The following ASAH2 variants were observed in gnomAD, a reference collection of about 807,000 sequenced individuals.
ASAH2 encodes the protein N-acylsphingosine amidohydrolase 2.
A neutral mutation model predicts 82.9 loss-of-function variants in ASAH2; 58 were observed. The ratio of observed to expected loss-of-function variants is 0.70; its 90% confidence interval spans 0.57 to 0.87. The LOEUF is 0.87. Among genes scored for constraint, ASAH2 ranks in the 40% least tolerant of loss-of-function variants. The pLI is 0.00. For missense variants in ASAH2, 779 were observed against 834.0 expected (o/e 0.93, Z 0.81); for synonymous variants, 276 against 289.7 (o/e 0.95, Z 0.48).
intron 1 of ASAH2, among the ~76,000 whole-genome samples, chr10:50,248,860 C>T (rs1321838210): frequency 1.3e-5 from 2 of 152,214 alleles, no homozygotes; most frequent in African/African-American, 2.4e-5. Context: ...TCTTTCTCAA[C>T]ACAACACTCC....
chr10:50,210,883 A>G lies in ASAH2; in HGVS notation c.1354T>C (p.Leu452=), dbSNP rs1335978743. ...THASKTCKPA[L]GYSFAAGTID... Reference sequence around the variant, plus strand: ...GTGCCAGCTGCAAAACTGTAGCCCAATGCTGGTTTACATGTTTTTGACTAA... The same window carrying G: ...GTGCCAGCTGCAAAACTGTAGCCCAGTGCTGGTTTACATGTTTTTGACTAA... Residue 452 remains leucine, a synonymous_variant, in exon 12 of 21, where the codon TTG becomes CTG. Transcript: ENST00000682911. 26 of 1,613,676 alleles carry G rather than the reference A, an allele frequency of 1.6e-5. No individual in the cohort carries two copies. The highest frequency in any genetic ancestry group is 2.2e-5 in the Non-Finnish European group (26 of 1,179,602).
intron 17 of ASAH2, 93 bp downstream of exon 17, chr10:50,198,958 A>G (rs1845064676): frequency 7.0e-7 from 1 of 1,424,106 alleles, no homozygotes; most frequent in African/African-American, 1.4e-5. Context: ...TTCCCTCTGC[A>G]TTTTCTTACC....
intron 8 of ASAH2, among the ~76,000 whole-genome samples, chr10:50,216,785 T>C (rs1391025832): frequency 6.6e-6 from 1 of 152,186 alleles, no homozygotes; most frequent in Non-Finnish European, 1.5e-5. Context: ...GATAACTAAG[T>C]ATTGGAGATA....
rs775769048 is a variant in ASAH2, at chr10:50,243,230, C to T, written c.482G>A (p.Gly161Asp). ...NRTVFVSIDI[G>D]MVSQRLRLEV... ...CAGCCTGAGCCTTTGTGATACCATG[C>T]CTATGTCGATGCTGACAAACACTGT... is the stretch of plus-strand genomic sequence containing the variant. The change falls in exon 4 of 21, where the codon GGC becomes GAC. Residue 161 changes from glycine to aspartate, a missense_variant. By Grantham distance (94) the Gly-to-Asp change is moderately conservative (BLOSUM62 -1). Transcript: ENST00000682911. The T allele has an allele frequency of 1.9e-6, 3 of 1,614,058 alleles. No individual in the cohort carries two copies. Among genetic ancestry groups the T allele is most frequent in the South Asian group, 1.1e-5 (1 of 91,056 alleles).
At chr10:50,240,587 C>T (rs1846269403) in intron 4 of ASAH2, 10 of 702,044 alleles carry the variant, frequency 1.4e-5, no homozygotes, top group Non-Finnish European at 2.6e-5. Context: ...ATCTCAAGGC[C>T]CTCTGCAATT....
In ASAH2 at chr10:50,204,415, G is replaced by A. The variant is rs1008759887; in HGVS notation, c.1625+446C>T. On this transcript the variant is annotated intron_variant, in intron 14 of 20. Coordinates refer to ENST00000682911, the MANE Select transcript of ASAH2 (RefSeq NM_019893.4). ...ATTTAAAGAGGAAGAAACAGAAAAA[G>A]AGGGAATTCAAGGATGACTCCAAGA... Among the ~76,000 whole-genome samples, 192 of 152,022 alleles carry A rather than the reference G, an allele frequency of 1.3e-3. 1 individual carries two copies. Among genetic ancestry groups the A allele is most frequent in the Non-Finnish European group, 2.3e-3 (158 of 67,874 alleles).
chr10:50,234,769 C>G (rs568659634), intron 5 of ASAH2, among the ~76,000 whole-genome samples: 1 of 151,996 alleles, frequency 6.6e-6, no homozygotes, highest in East Asian at 1.9e-4. Context: ...CCGTGTTATA[C>G]GGAAGCACAG....
chr10:50,207,831 A>T (rs1200051743), intron 12 of ASAH2, among the ~76,000 whole-genome samples: 5 of 151,884 alleles, frequency 3.3e-5, no homozygotes, highest in African/African-American at 1.2e-4. Flanking sequence ...TATTATCCTG[A>T]TATAAAACCA....
At chr10:50,248,999 T>C (rs565694654) in intron 1 of ASAH2, among the ~76,000 whole-genome samples, 2 of 152,316 alleles carry the variant, frequency 1.3e-5, no homozygotes, top group African/African-American at 4.8e-5. Flanking sequence ...GATCTGTACA[T>C]GGGTCTGGGC....
At chr10:50,203,585 C>G in intron 15 of ASAH2, 55 bp downstream of exon 15, 1 of 812,996 alleles carries the variant, frequency 1.2e-6, no homozygotes, top group Non-Finnish European at 2.0e-6. Flanking sequence ...ATAGGATATA[C>G]TTTCCTCTTC....
intron 7 of ASAH2, among the ~76,000 whole-genome samples, chr10:50,220,662 T>C (rs925475953): frequency 9.2e-5 from 14 of 152,056 alleles, no homozygotes; most frequent in Admixed American, 8.5e-4. Context: ...GAAAAATAAC[T>C]AATGGGTACT....
chr10:50,223,266 C>T (rs796667689), intron 7 of ASAH2, among the ~76,000 whole-genome samples: 139,100 of 152,214 alleles, frequency 0.91, 64,831 homozygotes, highest in East Asian at 1. Flanking sequence ...GTGATTCAGA[C>T]ATTGCATGTG....
chr10:50,204,198 A>G (rs974333973), intron 14 of ASAH2, among the ~76,000 whole-genome samples: 7 of 151,940 alleles, frequency 4.6e-5, no homozygotes, highest in Admixed American at 3.3e-4. Flanking sequence ...ACATGTTATT[A>G]TTTAATTTAT....
intron 14 of ASAH2, 46 bp from the exon 15 acceptor site, chr10:50,203,725 T>C: frequency 6.4e-7 from 1 of 1,568,316 alleles, no homozygotes; most frequent in Admixed American, 1.7e-5. Flanking sequence ...ACTAGACGTA[T>C]GCAGAGTACA....
intron 10 of ASAH2, 71 bp from the exon 11 acceptor site, chr10:50,211,205 G>A: frequency 8.8e-7 from 1 of 1,140,940 alleles, no homozygotes; most frequent in Non-Finnish European, 1.3e-6. Flanking sequence ...TACTCAGGAA[G>A]TACCAATTTG....
chr10:50,250,109 T>A (rs1375305648), intron 1 of ASAH2, among the ~76,000 whole-genome samples: 3 of 152,234 alleles, frequency 2.0e-5, no homozygotes, highest in African/African-American at 7.2e-5. Flanking sequence ...ATGATGACAC[T>A]GAGCCAGCAT....
chr10:50,214,471 A>G (rs1475417417), intron 9 of ASAH2, among the ~76,000 whole-genome samples: 1 of 152,182 alleles, frequency 6.6e-6, no homozygotes, highest in Non-Finnish European at 1.5e-5. Flanking sequence ...TTCAGATTGA[A>G]CAAGTTTGGG....
chr10:50,245,177 A>C, intron 3 of ASAH2, 45 bp downstream of exon 3: 1 of 1,448,148 alleles, frequency 6.9e-7, no homozygotes, highest in Non-Finnish European at 9.6e-7. Flanking sequence ...AAATAATAAA[A>C]TTACTTGTTT....
At chr10:50,226,677 A>G (rs1177361219) in intron 7 of ASAH2, among the ~76,000 whole-genome samples, 12 of 152,154 alleles carry the variant, frequency 7.9e-5, no homozygotes, top group African/African-American at 2.4e-4. Flanking sequence ...TTCCTGCTCA[A>G]TTTTGCTGTA....
Sources: gnomAD v4.1 joint callset for allele counts (sites outside exome capture counted in the v4.1 genomes callset) on GRCh38, gnomAD v4.1.1 for gene constraint, MANE v1.5 for transcripts, NCBI Gene and HGNC (gene_info 2026-07-23, HGNC 2026-07-21) for gene names.